The following HACE1 variants were observed in gnomAD, a reference collection of about 807,000 sequenced individuals.
HACE1 encodes E3 ubiquitin-protein ligase HACE1.
A neutral mutation model predicts 118.4 loss-of-function variants in HACE1; 73 were observed. That is an observed-to-expected ratio of 0.62 (90% CI 0.51 to 0.75). The LOEUF is 0.75. Ranked by LOEUF, HACE1 falls within the 30% of genes least tolerant of loss-of-function variation. The pLI is 0.00. For synonymous variants in HACE1, 368 were observed against 374.8 expected (o/e 0.98, Z 0.21); for missense variants, 749 against 1,102.2 (o/e 0.68, Z 4.54).
intron 20 of HACE1, among the ~76,000 whole-genome samples, chr6:104,749,977 AGTTAGTATCAGCGCCCTTT>A (rs1478234120): frequency 6.6e-6 from 1 of 152,186 alleles, no homozygotes; most frequent in Non-Finnish European, 1.5e-5. Flanking sequence ...AAGTTTAAGA[AGTTAGTATCAGCGCCCTTT>A]ACATCATGTG....
chr6:104,833,103 T>A lies in HACE1; in HGVS notation c.473A>T (p.Asp158Val), dbSNP rs1562474496. The A allele has an allele frequency of 1.2e-6, 2 of 1,613,266 alleles. No homozygotes were observed. The highest frequency in any genetic ancestry group is 1.7e-6 in the Non-Finnish European group (2 of 1,179,184). ...HDLVQHVSDV[D>V]VEDAMGQTAL... ...TGTCTGCCCCATGGCATCCTCAACA[T>A]CAACATCACTGACATGCTGCACAAG... The change falls in exon 6 of 24, where the codon GAT (aspartate) becomes GTT (valine). Residue 158 changes from aspartate (D) to valine (V), a missense_variant. Asp to Val is a radical substitution (Grantham distance 152). Coordinates refer to ENST00000262903, the MANE Select transcript of HACE1 (RefSeq NM_020771.4).
intron 8 of HACE1, 85 bp downstream of exon 8, chr6:104,796,844 C>T: frequency 9.3e-7 from 1 of 1,078,170 alleles, no homozygotes; most frequent in South Asian, 1.3e-5. Flanking sequence ...TTTGCACCTA[C>T]CCTTTCATTG....
At chr6:104,736,750 T>C (rs979163626) in intron 22 of HACE1, among the ~76,000 whole-genome samples, 3 of 152,096 alleles carry the variant, frequency 2.0e-5, no homozygotes, top group Admixed American at 6.6e-5. Flanking sequence ...AGTAACAAAC[T>C]GCAAGAGAAG....
In HACE1 at chr6:104,737,303, A is replaced by G. The variant is rs1019379172; in HGVS notation, c.2513+6857T>C. Among the ~76,000 whole-genome samples the G allele has an allele frequency of 2.8e-4, 43 of 151,196 alleles. 1 individual carries two copies. Among genetic ancestry groups the G allele is most frequent in the South Asian group, 1.7e-3 (8 of 4,780 alleles). Reference sequence around the variant, plus strand: ...CTCTCAAAAAAAAAAAAAAAAAAAAAAAAAGAAAATTTGGGGGAGGAGCCA... The same window carrying G: ...CTCTCAAAAAAAAAAAAAAAAAAAAGAAAAGAAAATTTGGGGGAGGAGCCA... On this transcript the variant is annotated intron_variant, in intron 22 of 23. Transcript: ENST00000262903.
Position 104,859,862 on chromosome 6 carries a change from C to T in HACE1, c.-220G>A. ...TACAGTACACCCGCCGCCGCCTCTGCTCGCGCCTTTCCTGCAGCCCCCGCC... is the reference window on the plus strand; with the variant it reads ...TACAGTACACCCGCCGCCGCCTCTGTTCGCGCCTTTCCTGCAGCCCCCGCC... On this transcript the variant is annotated 5_prime_UTR_variant, in exon 1 of 24. Transcript: ENST00000262903. 2.0e-6 allele frequency: 1 copy of T among 501,012 alleles called. No homozygotes were observed. The highest frequency in any genetic ancestry group is 3.5e-6 in the Non-Finnish European group (1 of 285,836). The allele number at this position is 501,012 out of a possible 1,614,324, so 31.0% of individuals were successfully genotyped here. A position where few individuals can be genotyped will look rare whatever the true frequency, so the allele number is the denominator to read the frequency against.
intron 1 of HACE1, among the ~76,000 whole-genome samples, chr6:104,857,683 C>G (rs1374177590): frequency 6.6e-6 from 1 of 150,966 alleles, no homozygotes; most frequent in East Asian, 1.9e-4. Flanking sequence ...GGGCGGGGCA[C>G]GGTGGCTCAC....
At chr6:104,754,190 G>A (rs1778368472) in intron 19 of HACE1, among the ~76,000 whole-genome samples, 1 of 152,088 alleles carries the variant, frequency 6.6e-6, no homozygotes, top group Admixed American at 6.6e-5. Context: ...AAGACAGGCA[G>A]ACAATAATAG....
rs151219790 is a variant in HACE1 at position 104,785,040 on chromosome 6, G to A, written c.1354C>T (p.Leu452=). 5.9e-5 allele frequency: 96 copies of A among 1,613,694 alleles called. No individual in the cohort carries two copies. The African/African-American group carries it at 8.5e-4, about 14-fold the overall frequency. The change falls in exon 12 of 24, where the codon CTA becomes TTA. Residue 452 remains leucine, a synonymous_variant. Transcript: ENST00000262903. The part of the protein sequence containing the change: ...QDVISMTANR[L]SAVIQAFYMC... ...TAAAAAGCTTGAATGACAGCACTTA[G>A]CCGGTTAGCTGTCATAGAAATAACA...
At chr6:104,785,549 T>C in intron 11 of HACE1, 1 of 458,808 alleles carries the variant, frequency 2.2e-6, no homozygotes, top group Non-Finnish European at 3.9e-6. Flanking sequence ...TGTATGTATG[T>C]ATTCCTTGTA....
rs966687586 is a variant in HACE1, at chr6:104,803,776, C to A, written c.618-6751G>T. On this transcript the variant is annotated intron_variant, in intron 7 of 23. Coordinates refer to ENST00000262903, the MANE Select transcript of HACE1 (RefSeq NM_020771.4). ...CAATATCATACTGAATGGGCAAAAACTGGAAGCATTCCCTTTGAAAACCGA... is the reference window on the plus strand; with the variant it reads ...CAATATCATACTGAATGGGCAAAAAATGGAAGCATTCCCTTTGAAAACCGA... 2.0e-5 allele frequency among the ~76,000 whole-genome samples: 3 copies of A among 152,138 alleles called. No individual in the cohort carries two copies. In the East Asian group the frequency reaches 5.8e-4, roughly 29 times the overall value.
chr6:104,796,519 A>C (rs1249231572), intron 9 of HACE1, 136 bp downstream of exon 9: 1 of 691,006 alleles, frequency 1.4e-6, no homozygotes, highest in Non-Finnish European at 2.6e-6. Context: ...CTTATCCTAT[A>C]ATGCAGATAA....
chr6:104,735,100 C>T lies in HACE1; in HGVS notation c.2514-4684G>A, dbSNP rs114133783. Among the ~76,000 whole-genome samples the T allele has an allele frequency of 4.6e-5, 7 of 151,874 alleles. No homozygotes were observed. The East Asian group carries it at 1.4e-3, about 29-fold the overall frequency. ...GATTTACAAAAACCACAAAGGAAAGCAATGATAATCAATTTGGCAATACCG... is the reference window on the plus strand; with the variant it reads ...GATTTACAAAAACCACAAAGGAAAGTAATGATAATCAATTTGGCAATACCG... On this transcript the variant is annotated intron_variant, in intron 22 of 23. Coordinates refer to ENST00000262903, the MANE Select transcript of HACE1 (RefSeq NM_020771.4).
intron 3 of HACE1, 131 bp from the exon 4 acceptor site, chr6:104,849,377 C>A (rs1775959201): frequency 1.4e-6 from 1 of 709,094 alleles, no homozygotes; most frequent in African/African-American, 1.7e-5. Flanking sequence ...TGCTCTGTCG[C>A]CCATGCTGGA....
chr6:104,857,956 CAAAAA>C (rs34623570), intron 1 of HACE1, among the ~76,000 whole-genome samples: 4 of 101,752 alleles, frequency 3.9e-5, no homozygotes, highest in Admixed American at 9.6e-5. Context: ...GACTCCGTCT[CAAAAA>C]AAAAAAAAAA....
intron 11 of HACE1, among the ~76,000 whole-genome samples, chr6:104,789,022 G>C (rs1450513539): frequency 6.6e-6 from 1 of 152,106 alleles, no homozygotes; most frequent in Non-Finnish European, 1.5e-5. Flanking sequence ...TGCTACCTCA[G>C]ACAAAATGTG....
chr6:104,749,451 G>A (rs1258348939), intron 20 of HACE1, among the ~76,000 whole-genome samples: 1 of 151,938 alleles, frequency 6.6e-6, no homozygotes, highest in African/African-American at 2.4e-5. Flanking sequence ...TACTATGAAT[G>A]ATAAATTAAA....
At chr6:104,811,251 TATATATATATATATATATATATGAGC>T (rs1771580026) in intron 7 of HACE1, 34 bp downstream of exon 7, 2 of 209,802 alleles carry the variant, frequency 9.5e-6, no homozygotes, top group Non-Finnish European at 8.4e-6. Context: ...TTTATACATA[TATATATATATATATATATATATGAGC>T]ATATATAGCA....
Position 104,774,151 on chromosome 6 carries a change from G to A in HACE1, c.1865-2077C>T, listed in dbSNP as rs571149072. ...GTCGCCCAGGCTGGAGTGCAGTGGC[G>A]GGATCTCGGCTCACTGCAAGCTCCG... On this transcript the variant is annotated intron_variant, in intron 17 of 23. Coordinates refer to ENST00000262903, the MANE Select transcript of HACE1 (RefSeq NM_020771.4). Among the ~76,000 whole-genome samples the A allele has an allele frequency of 4.8e-4, 41 of 85,878 alleles. 7 individuals are homozygous for A. The highest frequency in any genetic ancestry group is 2.4e-3 in the African/African-American group (37 of 15,588). 56.3% of individuals were successfully genotyped at this position (85,878 alleles called of 152,430 possible). A position where few individuals can be genotyped will look rare whatever the true frequency, so the allele number is the denominator to read the frequency against.
At chr6:104,859,040 T>A (rs941845530) in intron 1 of HACE1, among the ~76,000 whole-genome samples, 11 of 152,206 alleles carry the variant, frequency 7.2e-5, no homozygotes, top group Non-Finnish European at 1.0e-4. Context: ...TGTTTACCCA[T>A]ACAGTACTTT....
Sources: allele counts gnomAD v4.1 joint callset (sites outside exome capture counted in the v4.1 genomes callset), GRCh38; gene constraint gnomAD v4.1.1; transcripts MANE v1.5; gene names NCBI Gene and HGNC (gene_info 2026-07-23, HGNC 2026-07-21).